The following CARD14 variants were observed in gnomAD, a reference collection of about 807,000 sequenced individuals.
CARD14 encodes caspase recruitment domain family member 14, also known as caspase recruitment domain-containing protein 14.
Under a neutral mutation model 111.5 loss-of-function variants are expected in CARD14, and 107 were observed. That is an observed-to-expected ratio of 0.96 (90% CI 0.82 to 1.13). CARD14 has a LOEUF of 1.13. Among genes scored for constraint, CARD14 ranks in the 50% most tolerant of loss-of-function variants. CARD14 has a pLI of 0.00. For synonymous variants in CARD14, 617 were observed against 579.6 expected (o/e 1.06, Z -0.93); for missense variants, 1,322 against 1,362.3 (o/e 0.97, Z 0.47).
In CARD14 at chr17:80,209,153, C is replaced by G. The variant is rs371509035; in HGVS notation, c.*808C>G. On this transcript the variant is annotated 3_prime_UTR_variant, in exon 24 of 24. Coordinates refer to ENST00000648509, the MANE Select transcript of CARD14 (RefSeq NM_001366385.1). The stretch of plus-strand genomic sequence containing the variant: ...CCACCTTCAGGGCTCGGGGAGGACC[C>G]AGGTCCGCCAGCACCTGGCCTTGCC... 1.2e-5 allele frequency: 3 copies of G among 253,672 alleles called. No individual in the cohort carries two copies. Among genetic ancestry groups the G allele is most frequent in the African/African-American group, 6.9e-5 (3 of 43,364 alleles). 15.7% of individuals were successfully genotyped at this position (253,672 alleles called of 1,614,324 possible). A position where few individuals can be genotyped will look rare whatever the true frequency, so the allele number is the denominator to read the frequency against.
chr17:80,190,334 G>T, intron 9 of CARD14, among the ~76,000 whole-genome samples: 1 of 152,162 alleles, frequency 6.6e-6, no homozygotes. Flanking sequence ...GACGAGCGAG[G>T]CCGGGCGCGG....
chr17:80,175,952 G>GTTTTTTTT (rs531556673), intron 2 of CARD14, among the ~76,000 whole-genome samples: 1 of 53,550 alleles, frequency 1.9e-5, no homozygotes, highest in African/African-American at 8.3e-5. Flanking sequence ...CTCTCGGATC[G>GTTTTTTTT]TTTTTTTTTT....
At chr17:80,183,405 T>C (rs764101187) in intron 6 of CARD14, among the ~76,000 whole-genome samples, 1 of 152,254 alleles carries the variant, frequency 6.6e-6, no homozygotes, top group African/African-American at 2.4e-5. Flanking sequence ...TTTAGAGTTC[T>C]AGTACGCGGA....
Position 80,185,616 on chromosome 17 carries a change from C to T in CARD14, c.675+1378C>T, listed in dbSNP as rs555934999. 1.1e-4 allele frequency among the ~76,000 whole-genome samples: 17 copies of T among 152,242 alleles called. No homozygotes were observed. The East Asian group carries it at 1.7e-3, about 16-fold the overall frequency. ...ATGGACGCCCTGTTTTTATCCAATC[C>T]GCCTGTGTTCTGGTTTTCTCATCTG... On this transcript the variant is annotated intron_variant, in intron 7 of 23. Transcript: ENST00000648509.
Position 80,189,825 on chromosome 17 carries a change from C to T in CARD14, c.916C>T (p.His306Tyr), listed in dbSNP as rs930192858. Residue 306 changes from histidine to tyrosine, a missense_variant, in exon 9 of 24, where the codon CAC becomes TAC. His to Tyr is a moderately conservative substitution (Grantham distance 83, BLOSUM62 2). Coordinates refer to ENST00000648509, the MANE Select transcript of CARD14 (RefSeq NM_001366385.1). This position sits in a 1 kb window ranked among gnomAD's most constrained non-coding sequence, Gnocchi z 4.7. ...CCGACAGGAGCTGGTGGAGCGCATC[C>T]ACTCGCTGCGGGAGCGGGCCGTGGC... ...GSRQELVERI[H>Y]SLRERAVAAE... 4 of 1,586,222 alleles carry T rather than the reference C, an allele frequency of 2.5e-6. No individual in the cohort carries two copies. The African/African-American group carries it at 5.5e-5, about 22-fold the overall frequency.
At chr17:80,183,411 G>A (rs565564078) in intron 6 of CARD14, among the ~76,000 whole-genome samples, 1 of 152,214 alleles carries the variant, frequency 6.6e-6, no homozygotes, top group Admixed American at 6.5e-5. Context: ...GTTCTAGTAC[G>A]CGGATTCGTA....
intron 23 of CARD14, chr17:80,207,794 G>A (rs535176703): frequency 3.4e-5 from 9 of 268,326 alleles, no homozygotes; most frequent in Admixed American, 1.6e-4. Context: ...AACCCCACCC[G>A]GCCTCAGCTC....
chr17:80,200,971 C>T (rs1420576683), intron 16 of CARD14: 1 of 152,446 alleles, frequency 6.6e-6, no homozygotes, highest in Non-Finnish European at 1.5e-5. Flanking sequence ...CACTTGCCCA[C>T]CACGCCCCTC....
chr17:80,208,292 G>A lies in CARD14; in HGVS notation c.2962G>A (p.Ala988Thr), dbSNP rs865867083. ...LDGLLSCVRQ[A>T]IADEQKKVVW... ...CGGCCTGCTCAGCTGTGTCCGCCAG[G>A]CCATCGCCGACGAGCAGAAGAAGGT... The change falls in exon 24 of 24, where the codon GCC (alanine) becomes ACC (threonine). Residue 988 changes from alanine (A) to threonine (T), a missense_variant. Transcript: ENST00000648509. The A allele has an allele frequency of 3.1e-6, 5 of 1,603,354 alleles. No homozygotes were observed. The highest frequency in any genetic ancestry group is 4.3e-6 in the Non-Finnish European group (5 of 1,176,292).
In CARD14 at chr17:80,182,492, G is replaced by A. The variant is rs9909462; in HGVS notation, c.212-161G>A. ...GAGCCTGTGAGAGCAGTGAGGGCGC[G>A]TCCCACCCAGCAGAACCCAGAAAAC... On this transcript the variant is annotated intron_variant, in intron 5 of 23. Coordinates refer to ENST00000648509, the MANE Select transcript of CARD14 (RefSeq NM_001366385.1). This position sits in a 1 kb window ranked among gnomAD's most constrained non-coding sequence, Gnocchi z 4.7. Among the ~76,000 whole-genome samples, 39,162 of 152,068 alleles carry A rather than the reference G, an allele frequency of 0.26. 5,881 individuals carry two copies. The highest frequency in any genetic ancestry group is 0.4 in the East Asian group (2,081 of 5,158).
Position 80,182,896 on chromosome 17 carries a change from C to A in CARD14, c.349+106C>A, listed in dbSNP as rs1175469828. On this transcript the variant is annotated intron_variant, in intron 6 of 23. Coordinates refer to ENST00000648509, the MANE Select transcript of CARD14 (RefSeq NM_001366385.1). The surrounding 1 kb of genome is among the most constrained non-coding windows in gnomAD (Gnocchi z 4.7). ...TGCCGATTTGCCCTACTCCCCCTTC[C>A]CTCCAGGCTGCAGTTCCTGTCCCAG... 66 of 1,362,944 alleles carry A rather than the reference C, an allele frequency of 4.8e-5. No homozygotes were observed. Among genetic ancestry groups the A allele is most frequent in the South Asian group, 3.4e-4 (26 of 76,774 alleles). 84.4% of individuals were successfully genotyped at this position (1,362,944 alleles called of 1,614,324 possible). A position where few individuals can be genotyped will look rare whatever the true frequency, so the allele number is the denominator to read the frequency against.
At chr17:80,202,476 A>C (rs1598697772) in intron 18 of CARD14, 56 bp downstream of exon 18, 4 of 1,579,234 alleles carry the variant, frequency 2.5e-6, no homozygotes, top group Non-Finnish European at 1.7e-6. Context: ...GGGAAATGGC[A>C]CCCAGCCTGC....
intron 6 of CARD14, among the ~76,000 whole-genome samples, chr17:80,183,425 T>G (rs1216877826): frequency 6.6e-6 from 1 of 152,214 alleles, no homozygotes; most frequent in Non-Finnish European, 1.5e-5. Flanking sequence ...ATTCGTATTC[T>G]TTTTTTATCT....
chr17:80,179,078 T>C (rs1356346158), intron 3 of CARD14, 26 bp from the exon 4 acceptor site: 1 of 152,174 alleles, frequency 6.6e-6, no homozygotes, highest in Non-Finnish European at 1.5e-5. Context: ...AGGTGTTGAT[T>C]TGCTCTGATT....
chr17:80,190,626 AAAAGAG>A, intron 9 of CARD14, 142 bp from the exon 10 acceptor site: 1 of 840,248 alleles, frequency 1.2e-6, no homozygotes, highest in Non-Finnish European at 1.7e-6. Flanking sequence ...AAAAAAAAAA[AAAAGAG>A]AGAGAGAGAC....
intron 7 of CARD14, among the ~76,000 whole-genome samples, chr17:80,187,448 C>T (rs181376460): frequency 8.5e-5 from 13 of 152,326 alleles, no homozygotes; most frequent in East Asian, 7.7e-4. Context: ...AAATAGAATT[C>T]GGTTCATTTG....
Position 80,184,047 on chromosome 17 carries a change from C to G in CARD14, c.484C>G (p.Leu162Val), listed in dbSNP as rs1180184443. Reference sequence around the variant, plus strand: ...CCAGCAGCTGCAGGAGCACCTGGGCCTGGCCGAGACCCGTGCCGAGGGCCT... The same window carrying G: ...CCAGCAGCTGCAGGAGCACCTGGGCGTGGCCGAGACCCGTGCCGAGGGCCT... ...RCQQLQEHLG[L>V]AETRAEGLHQ... The change falls in exon 7 of 24, where the codon CTG (leucine) becomes GTG (valine). Residue 162 changes from leucine (L) to valine (V), a missense_variant. Physicochemically the swap from Leu to Val is conservative, Grantham distance 32 (BLOSUM62 1). Transcript: ENST00000648509. 3.8e-6 allele frequency: 6 copies of G among 1,587,696 alleles called. No homozygotes were observed. The highest frequency in any genetic ancestry group is 5.1e-6 in the Non-Finnish European group (6 of 1,167,526).
chr17:80,198,838 T>C lies in CARD14; in HGVS notation c.1851+247T>C. 6.8e-7 allele frequency: 1 copy of C among 1,461,994 alleles called. No individual in the cohort carries two copies. The highest frequency in any genetic ancestry group is 2.4e-5 in the Admixed American group (1 of 41,030). The allele number at this position is 1,461,994 out of a possible 1,614,324, so 90.6% of individuals were successfully genotyped here. The stretch of plus-strand genomic sequence containing the variant: ...GCGCTTCTGACCAGGGGTCTTTGCA[T>C]GAGGCCCCTTGACAGGGCTGCTCTG... On this transcript the variant is annotated intron_variant, in intron 16 of 23. Coordinates refer to ENST00000648509, the MANE Select transcript of CARD14 (RefSeq NM_001366385.1). This position sits in a 1 kb window ranked among gnomAD's most constrained non-coding sequence, Gnocchi z 7.5.
At chr17:80,191,671 C>T (rs1018965158) in intron 11 of CARD14, among the ~76,000 whole-genome samples, 199 bp downstream of exon 11, 5 of 152,208 alleles carry the variant, frequency 3.3e-5, no homozygotes, top group African/African-American at 9.6e-5. Flanking sequence ...TGGATGGTGC[C>T]GTGAAACCTC....
Sources: allele counts gnomAD v4.1 joint callset (sites outside exome capture counted in the v4.1 genomes callset), GRCh38; gene constraint gnomAD v4.1.1; non-coding constraint Gnocchi (gnomAD v3.1); transcripts MANE v1.5; gene names NCBI Gene and HGNC (gene_info 2026-07-23, HGNC 2026-07-21).